Variants in ALX3 observed in about 807,000 individuals in gnomAD.
ALX3 encodes ALX homeobox 3.
ALX3 carries 17 observed loss-of-function variants against 26.3 expected under a neutral mutation model. That is an observed-to-expected ratio of 0.65 (90% CI 0.44 to 0.97). The LOEUF (loss-of-function observed/expected upper bound fraction) is 0.97, where lower values mean the gene tolerates loss of function less well. Ranked by LOEUF, ALX3 falls within the 50% of genes least tolerant of loss-of-function variation. The pLI, the probability that ALX3 is intolerant of heterozygous loss-of-function variation, is 0.00. For synonymous variants in ALX3, 208 were observed against 201.4 expected (o/e 1.03, Z -0.28); for missense variants, 461 against 466.5 (o/e 0.99, Z 0.11).
rs771207730 is a variant in ALX3, at chr1:110,060,694, AAG to A, written c.*37_*38del. On this transcript the variant is annotated 3_prime_UTR_variant, in exon 4 of 4. Transcript: ENST00000647563. ...GGCTGGGAGCGACTGGGAATGGAAA[AAG>A]AGGTGGGCAGCTCATTCTGCAGGTC... 2.4e-5 allele frequency: 17 copies of A among 717,222 alleles called. No individual in the cohort carries two copies. The highest frequency in any genetic ancestry group is 7.0e-5 in the East Asian group (1 of 14,188). 44.4% of individuals were successfully genotyped at this position (717,222 alleles called of 1,614,324 possible).
chr1:110,062,441 AC>A (rs1570936880), intron 2 of ALX3: 2 of 152,344 alleles, frequency 1.3e-5, no homozygotes, highest in East Asian at 3.9e-4. Context: ...TGTGACTGTT[AC>A]ATTTAACTGT....
chr1:110,064,564 C>T, intron 2 of ALX3, 23 bp downstream of exon 2: 7 of 1,613,434 alleles, frequency 4.3e-6, no homozygotes, highest in Non-Finnish European at 5.1e-6. Context: ...AGCCAGAGAG[C>T]CCCATCCTTG....
chr1:110,065,385 C>G (rs1378589108), intron 1 of ALX3, among the ~76,000 whole-genome samples: 1 of 152,182 alleles, frequency 6.6e-6, no homozygotes, highest in Non-Finnish European at 1.5e-5. Flanking sequence ...CAGGGCCAGG[C>G]AGGCTGTGGA....
In ALX3 at chr1:110,070,483, G is replaced by A; in HGVS notation, c.130C>T (p.Arg44Cys). 7.9e-7 allele frequency: 1 copy of A among 1,259,586 alleles called. No individual in the cohort carries two copies. 78.0% of individuals were successfully genotyped at this position (1,259,586 alleles called of 1,614,324 possible). ...GGAAAGCGGGTCAGCCGCGGGCCGC[G>A]GGGCGGCGCGGGGTGCAGGTGAGGC... is the stretch of plus-strand genomic sequence containing the variant. ...AAPHLHPAPP[R>C]GPRLTRFPAC... Residue 44 changes from arginine to cysteine, a missense_variant, in exon 1 of 4, where the codon CGC becomes TGC. Arg to Cys is a radical substitution (Grantham distance 180). Around this residue, in one of 3 missense-constraint regions of ALX3, gnomAD observed 241 missense variants for 206.1 expected, o/e 1.17. Transcript: ENST00000647563.
intron 2 of ALX3, among the ~76,000 whole-genome samples, chr1:110,063,202 A>G (rs906142381): frequency 2.0e-5 from 3 of 152,084 alleles, no homozygotes; most frequent in Admixed American, 2.0e-4. Flanking sequence ...ACCTCCCACA[A>G]ACACTTGCTT....
chr1:110,069,521 G>T (rs1256485195), intron 1 of ALX3, among the ~76,000 whole-genome samples: 1 of 152,194 alleles, frequency 6.6e-6, no homozygotes, highest in African/African-American at 2.4e-5. Flanking sequence ...ATGCCGGCGC[G>T]GTCCAGCCGG....
intron 1 of ALX3, among the ~76,000 whole-genome samples, chr1:110,069,559 C>G (rs983198456): frequency 6.6e-6 from 1 of 152,220 alleles, no homozygotes; most frequent in African/African-American, 2.4e-5. Flanking sequence ...GGCCCGTGAG[C>G]CCGCGGCGCC....
chr1:110,070,441 C>T lies in ALX3; in HGVS notation c.172G>A (p.Glu58Lys). 1 of 1,261,828 alleles carries T rather than the reference C, an allele frequency of 7.9e-7. No homozygotes were observed. Among genetic ancestry groups the T allele is most frequent in the Non-Finnish European group, 1.0e-6 (1 of 1,004,988 alleles). The allele number at this position is 1,261,828 out of a possible 1,614,324, so 78.2% of individuals were successfully genotyped here. A position where few individuals can be genotyped will look rare whatever the true frequency, so the allele number is the denominator to read the frequency against. The change falls in exon 1 of 4, where the codon GAG becomes AAG. Residue 58 changes from glutamate (E) to lysine (K), a missense_variant. Coordinates refer to ENST00000647563, the MANE Select transcript of ALX3 (RefSeq NM_006492.3). ...LTRFPACGPL[E>K]PYLPEPAKPP... is the part of the protein sequence containing the mutation. ...TTGGCCGGCTCTGGGAGGTAGGGCT[C>T]CAGGGGCCCGCAGGCCGGAAAGCGG...
rs369101075 is a variant in ALX3 at position 110,066,451 on chromosome 1, G to C, written c.278-1548C>G. ...TTCCAGTCTCTGACTTCCATTCTTGGGCCAGCACATTTCAGGTTTAGAGGC... is the reference window on the plus strand; with the variant it reads ...TTCCAGTCTCTGACTTCCATTCTTGCGCCAGCACATTTCAGGTTTAGAGGC... On this transcript the variant is annotated intron_variant, in intron 1 of 3. Coordinates refer to ENST00000647563, the MANE Select transcript of ALX3 (RefSeq NM_006492.3). Among the ~76,000 whole-genome samples the C allele has an allele frequency of 1.1e-4, 16 of 152,158 alleles. 1 individual carries two copies. In the East Asian group the frequency reaches 1.9e-3, roughly 18 times the overall value.
intron 1 of ALX3, among the ~76,000 whole-genome samples, chr1:110,069,003 G>A (rs569481621): frequency 2.6e-5 from 4 of 151,868 alleles, no homozygotes; most frequent in African/African-American, 9.7e-5. Context: ...ACGCGGGCCT[G>A]GGGGGGTGGC....
chr1:110,068,108 C>T (rs1200560748), intron 1 of ALX3, among the ~76,000 whole-genome samples: 2 of 152,232 alleles, frequency 1.3e-5, no homozygotes, highest in African/African-American at 4.8e-5. Context: ...CAGCAAAGGG[C>T]GGCCTGGGGC....
rs769836896 is a variant in ALX3 at position 110,060,721 on chromosome 1, C to G, written c.*12G>C. ...GAGGTGGGCAGCTCATTCTGCAGGTCCATGCAACCGATCACGTGGTCCAGT... is the reference window on the plus strand; with the variant it reads ...GAGGTGGGCAGCTCATTCTGCAGGTGCATGCAACCGATCACGTGGTCCAGT... On this transcript the variant is annotated 3_prime_UTR_variant, in exon 4 of 4. Coordinates refer to ENST00000647563, the MANE Select transcript of ALX3 (RefSeq NM_006492.3). 1 of 1,404,282 alleles carries G rather than the reference C, an allele frequency of 7.1e-7. No homozygotes were observed. Among genetic ancestry groups the G allele is most frequent in the Admixed American group, 2.2e-5 (1 of 45,196 alleles). The allele number at this position is 1,404,282 out of a possible 1,614,324, so 87.0% of individuals were successfully genotyped here. A position where few individuals can be genotyped will look rare whatever the true frequency, so the allele number is the denominator to read the frequency against.
At position 110,060,435 on chromosome 1, in the gene ALX3, C is replaced by T. The variant is rs932487338; in HGVS notation, c.*298G>A. The T allele has an allele frequency of 4.9e-5, 12 of 243,342 alleles. No individual in the cohort carries two copies. The highest frequency in any genetic ancestry group is 4.1e-4 in the Admixed American group (8 of 19,428). The allele number at this position is 243,342 out of a possible 1,614,324, so 15.1% of individuals were successfully genotyped here. ...TCTTAGCTGGAGAGATGACAATGGA[C>T]TTGGACAAAGTCTGGAGGAAGCAGG... On this transcript the variant is annotated 3_prime_UTR_variant, in exon 4 of 4. Coordinates refer to ENST00000647563, the MANE Select transcript of ALX3 (RefSeq NM_006492.3).
intron 2 of ALX3, chr1:110,062,109 A>G (rs1380563436): frequency 2.6e-5 from 4 of 154,236 alleles, no homozygotes; most frequent in Non-Finnish European, 4.3e-5. Context: ...AGGCAAACAC[A>G]TTTATTCTTC....
At chr1:110,062,645 G>GTCACAACA (rs57279963) in intron 2 of ALX3, 2 of 132,298 alleles carry the variant, frequency 1.5e-5, no homozygotes, top group Non-Finnish European at 1.6e-5. Context: ...GTGTGTGTGT[G>GTCACAACA]GAGTAATCCG....
chr1:110,060,549 C>G lies in ALX3; in HGVS notation c.*184G>C. 2.3e-6 allele frequency: 1 copy of G among 429,036 alleles called. No homozygotes were observed. Among genetic ancestry groups the G allele is most frequent in the Non-Finnish European group, 3.9e-6 (1 of 255,898 alleles). The allele number at this position is 429,036 out of a possible 1,614,324, so 26.6% of individuals were successfully genotyped here. On this transcript the variant is annotated 3_prime_UTR_variant, in exon 4 of 4. Coordinates refer to ENST00000647563, the MANE Select transcript of ALX3 (RefSeq NM_006492.3). ...TCCTGGCTGCTTCGAAGCCCCTTCTCCTAGGCAGCCCCACCTTGTTCTAAG... is the reference window on the plus strand; with the variant it reads ...TCCTGGCTGCTTCGAAGCCCCTTCTGCTAGGCAGCCCCACCTTGTTCTAAG...
At chr1:110,064,265 GGAAACT>G (rs987017333) in intron 2 of ALX3, among the ~76,000 whole-genome samples, 1 of 152,150 alleles carries the variant, frequency 6.6e-6, no homozygotes, top group African/African-American at 2.4e-5. Flanking sequence ...TCCTGAACTG[GGAAACT>G]GAGACTGAGA....
At chr1:110,064,508 C>A (rs958369214) in intron 2 of ALX3, 79 bp downstream of exon 2, 2 of 1,548,190 alleles carry the variant, frequency 1.3e-6, no homozygotes, top group Non-Finnish European at 1.8e-6. Flanking sequence ...GTGCCCACCT[C>A]TCCCAGCCCT....
chr1:110,070,360 G>A lies in ALX3; in HGVS notation c.253C>T (p.His85Tyr). ...CCTTCCGCGGGGCCCTCGTAGAAGT[G>A]GCCGCCGTTGAGGGCCGGGCCGGGC... is the stretch of plus-strand genomic sequence containing the variant. ...LGPGPALNGGHFYEGPAEAEE... is the reference protein window; with the variant it reads ...LGPGPALNGGYFYEGPAEAEE... The change falls in exon 1 of 4, where the codon CAC becomes TAC. Residue 85 changes from histidine to tyrosine, a missense_variant. By Grantham distance (83) the His-to-Tyr change is moderately conservative. Coordinates refer to ENST00000647563, the MANE Select transcript of ALX3 (RefSeq NM_006492.3). 1 of 1,290,156 alleles carries A rather than the reference G, an allele frequency of 7.8e-7. No homozygotes were observed. 79.9% of individuals were successfully genotyped at this position (1,290,156 alleles called of 1,614,324 possible). A position where few individuals can be genotyped will look rare whatever the true frequency, so the allele number is the denominator to read the frequency against.
Sources: gnomAD v4.1 joint callset for allele counts (sites outside exome capture counted in the v4.1 genomes callset) on GRCh38, gnomAD v4.1.1 for gene constraint, gnomAD v4.1.1 regional missense constraint, MANE v1.5 for transcripts, NCBI Gene and HGNC (gene_info 2026-07-23, HGNC 2026-07-21) for gene names.